Variants in SNTG1 observed in about 807,000 individuals in gnomAD.
The protein encoded by SNTG1 is gamma-1-syntrophin.
In SNTG1, 39 loss-of-function variants were observed where a neutral mutation model predicts 74.7. That is an observed-to-expected ratio of 0.52 (90% CI 0.40 to 0.68). SNTG1 has a LOEUF of 0.68. Ranked by LOEUF, SNTG1 falls within the 30% of genes least tolerant of loss-of-function variation. SNTG1 has a pLI of 0.00. For missense variants in SNTG1, 685 were observed against 609.5 expected (o/e 1.12, Z -1.30); for synonymous variants, 254 against 217.1 (o/e 1.17, Z -1.49).
At chr8:50,181,905 G>A (rs2083219050) in intron 2 of SNTG1, among the ~76,000 whole-genome samples, 1 of 152,110 alleles carries the variant, frequency 6.6e-6, no homozygotes, top group South Asian at 2.1e-4. Context: ...AAAATCAATA[G>A]TGCAAGAAGG....
intron 1 of SNTG1, among the ~76,000 whole-genome samples, chr8:50,152,062 TC>T (rs2082087465): frequency 6.6e-6 from 1 of 152,158 alleles, no homozygotes; most frequent in Non-Finnish European, 1.5e-5. Flanking sequence ...TTTGTAGGTC[TC>T]TAAGGACTTG....
intron 1 of SNTG1, among the ~76,000 whole-genome samples, chr8:49,930,451 A>G (rs1807465451): frequency 6.6e-6 from 1 of 150,580 alleles, no homozygotes; most frequent in Non-Finnish European, 1.5e-5. Flanking sequence ...TAATCTAGCA[A>G]TCTAGAAATA....
At chr8:50,481,479 C>G (rs2093740103) in intron 8 of SNTG1, among the ~76,000 whole-genome samples, 1 of 152,176 alleles carries the variant, frequency 6.6e-6, no homozygotes, top group Non-Finnish European at 1.5e-5. Flanking sequence ...GATTTTTATA[C>G]TATCTCCCTA....
intron 2 of SNTG1, among the ~76,000 whole-genome samples, chr8:50,385,586 T>A (rs905151733): frequency 1.3e-5 from 2 of 152,196 alleles, no homozygotes; most frequent in African/African-American, 4.8e-5. Flanking sequence ...CTGTGGAATC[T>A]TGTGGAAAGG....
rs540479580 is a variant in SNTG1 at position 50,417,682 on chromosome 8, A to T, written c.162+15338A>T. On this transcript the variant is annotated intron_variant, in intron 4 of 18. Coordinates refer to ENST00000642720, the MANE Select transcript of SNTG1 (RefSeq NM_018967.5). ...CGTATCAACTTCTCTCTCCAAGTGT[A>T]TCCAATAACATCTCTCCCATTCTCA... Among the ~76,000 whole-genome samples the T allele has an allele frequency of 5.9e-5, 9 of 152,176 alleles. No individual in the cohort carries two copies. In the South Asian group the frequency reaches 8.3e-4, roughly 14 times the overall value.
At chr8:50,161,043 T>C (rs2082398966) in intron 1 of SNTG1, among the ~76,000 whole-genome samples, 1 of 152,174 alleles carries the variant, frequency 6.6e-6, no homozygotes, top group African/African-American at 2.4e-5. Flanking sequence ...GAGAAGATGA[T>C]ATTTTAATGT....
intron 13 of SNTG1, among the ~76,000 whole-genome samples, chr8:50,592,711 A>G (rs1291437720): frequency 6.6e-6 from 1 of 152,240 alleles, no homozygotes; most frequent in Non-Finnish European, 1.5e-5. Context: ...ATTATTCATT[A>G]TATAATAATT....
intron 15 of SNTG1, among the ~76,000 whole-genome samples, chr8:50,661,467 C>G (rs533479861): frequency 2.4e-4 from 36 of 152,240 alleles, no homozygotes; most frequent in African/African-American, 8.7e-4. Flanking sequence ...TACATTCTGA[C>G]CAAATTAAAA....
At chr8:50,597,059 A>G (rs1232849869) in intron 13 of SNTG1, among the ~76,000 whole-genome samples, 1 of 150,260 alleles carries the variant, frequency 6.7e-6, no homozygotes, top group African/African-American at 2.4e-5. Flanking sequence ...ACCTCTCCCA[A>G]TCTCCCCTCA....
intron 17 of SNTG1, chr8:50,747,920 G>C (rs2095558791): frequency 6.6e-6 from 1 of 151,832 alleles, no homozygotes; most frequent in Non-Finnish European, 1.5e-5. Context: ...CTTTTTTGTA[G>C]ACAGGGTTTC....
chr8:50,280,195 C>G (rs577579162), intron 2 of SNTG1, among the ~76,000 whole-genome samples: 125 of 152,320 alleles, frequency 8.2e-4, no homozygotes, highest in African/African-American at 2.9e-3. Context: ...AGAAGTTTCA[C>G]AGTCCAGGAC....
At chr8:50,341,453 T>G (rs867479247) in intron 2 of SNTG1, among the ~76,000 whole-genome samples, 1 of 151,962 alleles carries the variant, frequency 6.6e-6, no homozygotes, top group African/African-American at 2.4e-5. Context: ...ATGATAATAT[T>G]TATTAATTTA....
intron 2 of SNTG1, among the ~76,000 whole-genome samples, chr8:50,393,195 C>G (rs2092685371): frequency 6.6e-6 from 1 of 152,204 alleles, no homozygotes; most frequent in Admixed American, 6.5e-5. Context: ...TTGGTTACTA[C>G]TGATGATGGC....
chr8:50,608,716 A>T (rs1055861766), intron 13 of SNTG1, among the ~76,000 whole-genome samples: 2 of 151,830 alleles, frequency 1.3e-5, no homozygotes, highest in Non-Finnish European at 2.9e-5. Flanking sequence ...ATAATTATGG[A>T]TATGCTTAGA....
chr8:50,208,442 G>C (rs1280263413), intron 2 of SNTG1, among the ~76,000 whole-genome samples: 1 of 151,562 alleles, frequency 6.6e-6, no homozygotes, highest in Non-Finnish European at 1.5e-5. Context: ...TTTATTTTGA[G>C]CTTTTATGTG....
intron 1 of SNTG1, among the ~76,000 whole-genome samples, chr8:49,939,329 C>A (rs1808467390): frequency 6.6e-6 from 1 of 151,988 alleles, no homozygotes; most frequent in African/African-American, 2.4e-5. Flanking sequence ...ACCATTAGGC[C>A]CTCATCTATA....
At chr8:50,437,829 A>T (rs2093319960) in intron 4 of SNTG1, among the ~76,000 whole-genome samples, 1 of 152,168 alleles carries the variant, frequency 6.6e-6, no homozygotes, top group African/African-American at 2.4e-5. Flanking sequence ...TCAAATTGAA[A>T]ATTACAGGAT....
At chr8:50,576,629 A>AT (rs1355731842) in intron 12 of SNTG1, among the ~76,000 whole-genome samples, 1 of 151,722 alleles carries the variant, frequency 6.6e-6, no homozygotes, top group East Asian at 1.9e-4. Context: ...GTCTTGTTTA[A>AT]TTTTTTAAGA....
chr8:50,241,314 T>A (rs1315463338), intron 2 of SNTG1, among the ~76,000 whole-genome samples: 1 of 152,214 alleles, frequency 6.6e-6, no homozygotes, highest in Non-Finnish European at 1.5e-5. Context: ...AGAGTGTGAA[T>A]GGCAATGGCT....
Sources: allele counts gnomAD v4.1 joint callset (sites outside exome capture counted in the v4.1 genomes callset), GRCh38; gene constraint gnomAD v4.1.1; transcripts MANE v1.5; gene names NCBI Gene and HGNC (gene_info 2026-07-23, HGNC 2026-07-21).